The following TRAF3IP3 variants were observed in gnomAD, a reference collection of about 807,000 sequenced individuals.
The protein encoded by TRAF3IP3 is TRAF3-interacting JNK-activating modulator.
TRAF3IP3 carries 64 observed loss-of-function variants against 86.5 expected under a neutral mutation model. That is an observed-to-expected ratio of 0.74 (90% confidence interval 0.60 to 0.91). TRAF3IP3 has a LOEUF of 0.91. Ranked by LOEUF, TRAF3IP3 falls within the 40% of genes least tolerant of loss-of-function variation. The probability of loss-of-function intolerance (pLI) is 0.00; values close to 1 mark genes in which losing one functional copy is unlikely to be tolerated. For missense variants in TRAF3IP3, 579 were observed against 642.9 expected (o/e 0.90, Z 1.07); for synonymous variants, 220 against 243.9 (o/e 0.90, Z 0.91).
chr1:209,760,237 CAGG>C lies in TRAF3IP3; in HGVS notation c.206_208del (p.Arg69del). 1.2e-6 allele frequency: 2 copies of C among 1,614,252 alleles called. No individual in the cohort carries two copies. The highest frequency in any genetic ancestry group is 1.7e-6 in the Non-Finnish European group (2 of 1,180,050). ...AGAGAGCTCGACTGCAGCAGTTCTT[CAGG>C]AGGAGGAACCTGGAGCTAGAGGAGA... On this transcript the variant is annotated inframe_deletion, in exon 3 of 17. Coordinates refer to ENST00000367025, the MANE Select transcript of TRAF3IP3 (RefSeq NM_025228.4).
At position 209,781,940 on chromosome 1, in the gene TRAF3IP3, TCCA is replaced by T. The variant is rs2077790735; in HGVS notation, c.1564-109_1564-107del. The stretch of plus-strand genomic sequence containing the variant: ...GGGAGACAGAGTAAAAAGCTTTTTC[TCCA>T]CCACCAACCCAGCGTTTTCCACTGG... On this transcript the variant is annotated intron_variant, in intron 16 of 16. Transcript: ENST00000367025. 3 of 790,080 alleles carry T rather than the reference TCCA, an allele frequency of 3.8e-6. No homozygotes were observed. The East Asian group carries it at 7.8e-5, about 20-fold the overall frequency. 48.9% of individuals were successfully genotyped at this position (790,080 alleles called of 1,614,324 possible).
At position 209,763,480 on chromosome 1, in the gene TRAF3IP3, C is replaced by T. The variant is rs1405095697; in HGVS notation, c.607-12C>T. On this transcript the variant is annotated splice_polypyrimidine_tract_variant and intron_variant, in intron 7 of 16. Coordinates refer to ENST00000367025, the MANE Select transcript of TRAF3IP3 (RefSeq NM_025228.4). Reference sequence around the variant, plus strand: ...AATCTTACCCTCTTGCACTTTGTGCCCGCACCCCCAGGAGGCCCTACAAAG... The same window carrying T: ...AATCTTACCCTCTTGCACTTTGTGCTCGCACCCCCAGGAGGCCCTACAAAG... 6.2e-7 allele frequency: 1 copy of T among 1,613,796 alleles called. No homozygotes were observed. The highest frequency in any genetic ancestry group is 1.7e-5 in the Admixed American group (1 of 60,026).
chr1:209,759,881 A>C, intron 2 of TRAF3IP3, 101 bp from the exon 3 acceptor site: 1 of 628,536 alleles, frequency 1.6e-6, no homozygotes, highest in Middle Eastern at 4.3e-4. Flanking sequence ...ACCCACATGG[A>C]TGGAACTCTG....
At position 209,777,255 on chromosome 1, in the gene TRAF3IP3, C is replaced by T. The variant is rs553150514; in HGVS notation, c.1054-97C>T. On this transcript the variant is annotated intron_variant, in intron 11 of 16. Transcript: ENST00000367025. Reference sequence around the variant, plus strand: ...AACATTCCTTCTATCTCTAAAATTCCAGACTTTTCTACATTTTCCTCTTCC... The same window carrying T: ...AACATTCCTTCTATCTCTAAAATTCTAGACTTTTCTACATTTTCCTCTTCC... 2.1e-5 allele frequency: 24 copies of T among 1,134,410 alleles called. No individual in the cohort carries two copies. The African/African-American group carries it at 3.5e-4, about 16-fold the overall frequency. 70.3% of individuals were successfully genotyped at this position (1,134,410 alleles called of 1,614,324 possible).
Position 209,777,483 on chromosome 1 carries a change from A to G in TRAF3IP3, c.1185A>G (p.Leu395=). 1 of 1,612,268 alleles carries G rather than the reference A, an allele frequency of 6.2e-7. No homozygotes were observed. Among genetic ancestry groups the G allele is most frequent in the East Asian group, 2.2e-5 (1 of 44,794 alleles). ...RDLCSLDTQD[L]QDQLKRSEAE... The stretch of plus-strand genomic sequence containing the variant: ...TGTGCAGCTTGGATACCCAGGACCT[A>G]CAAGGTACTCTTCTCCTTGGAGGCC... Residue 395 remains leucine, a synonymous_variant, in exon 12 of 17, where the codon CTA becomes CTG. Transcript: ENST00000367025.
chr1:209,779,092 C>A (rs1376264701), intron 13 of TRAF3IP3: 1 of 581,114 alleles, frequency 1.7e-6, no homozygotes, highest in Non-Finnish European at 3.0e-6. Context: ...ACCTGAATGA[C>A]CCCATTTTAA....
At chr1:209,773,049 A>C in intron 9 of TRAF3IP3, 30 bp downstream of exon 9, 10 of 1,549,812 alleles carry the variant, frequency 6.5e-6, no homozygotes, top group African/African-American at 1.4e-5. Context: ...CTTCCATCTC[A>C]GGAATCTAGA....
intron 8 of TRAF3IP3, among the ~76,000 whole-genome samples, chr1:209,772,269 G>T (rs1046442283): frequency 6.6e-6 from 1 of 152,168 alleles, no homozygotes; most frequent in Non-Finnish European, 1.5e-5. Context: ...CTGGCTTACA[G>T]ATTGCCATCT....
At position 209,765,178 on chromosome 1, in the gene TRAF3IP3, GGAGAGAGA is replaced by G. The variant is rs375415223; in HGVS notation, c.702+1619_702+1626del. Among the ~76,000 whole-genome samples, 391 of 87,852 alleles carry G rather than the reference GGAGAGAGA, an allele frequency of 4.5e-3. 2 individuals are homozygous for G. Among genetic ancestry groups the G allele is most frequent in the South Asian group, 0.02 (43 of 2,190 alleles). The allele number at this position is 87,852 out of a possible 152,430, so 57.6% of individuals were successfully genotyped here. ...TGACAGAGCAGGACTCTGAGAGACA[GGAGAGAGA>G]GAGAGAGAGAGAGAGAGAGAGAGAG... On this transcript the variant is annotated intron_variant, in intron 8 of 16. Coordinates refer to ENST00000367025, the MANE Select transcript of TRAF3IP3 (RefSeq NM_025228.4).
chr1:209,765,178 G>GGAGA lies in TRAF3IP3; in HGVS notation c.702+1623_702+1626dup, dbSNP rs375415223. ...TGACAGAGCAGGACTCTGAGAGACA[G>GGAGA]GAGAGAGAGAGAGAGAGAGAGAGAG... On this transcript the variant is annotated intron_variant, in intron 8 of 16. Coordinates refer to ENST00000367025, the MANE Select transcript of TRAF3IP3 (RefSeq NM_025228.4). Among the ~76,000 whole-genome samples the GGAGA allele has an allele frequency of 1.0e-3, 89 of 87,862 alleles. 2 individuals are homozygous for GGAGA. Among genetic ancestry groups the GGAGA allele is most frequent in the African/African-American group, 3.3e-3 (65 of 19,982 alleles). 57.6% of individuals were successfully genotyped at this position (87,862 alleles called of 152,430 possible).
intron 9 of TRAF3IP3, among the ~76,000 whole-genome samples, chr1:209,775,001 GA>G (rs1339371355): frequency 6.6e-6 from 1 of 152,134 alleles, no homozygotes; most frequent in Non-Finnish European, 1.5e-5. Context: ...TTAGGGTTTG[GA>G]AAAGCCTGGA....
chr1:209,781,232 G>T (rs2077771567), intron 15 of TRAF3IP3, 113 bp from the exon 16 acceptor site: 2 of 646,296 alleles, frequency 3.1e-6, no homozygotes, highest in Non-Finnish European at 5.6e-6. Context: ...GCTGGGAAGG[G>T]AAGATGGTGG....
At chr1:209,771,771 GT>G (rs2077539299) in intron 8 of TRAF3IP3, among the ~76,000 whole-genome samples, 1 of 104,862 alleles carries the variant, frequency 9.5e-6, no homozygotes, top group Non-Finnish European at 2.1e-5. Context: ...AGGTGTGTGT[GT>G]ATATGGAGGT....
At chr1:209,779,730 C>G (rs76690388) in intron 14 of TRAF3IP3, 7,782 of 571,014 alleles carry the variant, frequency 0.014, 112 homozygotes, top group South Asian at 0.039. Flanking sequence ...ACATAGCAGT[C>G]CAGAGTCAAC....
At chr1:209,762,415 A>G in intron 3 of TRAF3IP3, 100 bp from the exon 4 acceptor site, 1 of 1,279,428 alleles carries the variant, frequency 7.8e-7, no homozygotes, top group Non-Finnish European at 1.0e-6. Context: ...CACTCAGTCC[A>G]TAACAAACAT....
chr1:209,769,798 G>A (rs922707326), intron 8 of TRAF3IP3, among the ~76,000 whole-genome samples: 1 of 152,196 alleles, frequency 6.6e-6, no homozygotes, highest in African/African-American at 2.4e-5. Context: ...GGCCTAAAGA[G>A]AGGTGGAATT....
intron 1 of TRAF3IP3, among the ~76,000 whole-genome samples, chr1:209,756,571 G>A (rs1482359441): frequency 1.3e-5 from 2 of 152,224 alleles, no homozygotes; most frequent in African/African-American, 4.8e-5. Flanking sequence ...ACGACTTAGA[G>A]TTCAGGCTAC....
rs200734308 is a variant in TRAF3IP3, at chr1:209,778,113, C to T, written c.1192C>T (p.Gln398Ter). 6.2e-7 allele frequency: 1 copy of T among 1,613,794 alleles called. No homozygotes were observed. Among genetic ancestry groups the T allele is most frequent in the Non-Finnish European group, 8.5e-7 (1 of 1,179,804 alleles). The change falls in exon 13 of 17, where the codon CAA becomes TAA. Residue 398 changes from glutamine to a stop codon, truncating the protein, a stop_gained and splice_region_variant. Transcript: ENST00000367025. LOFTEE classifies it high-confidence loss of function. The part of the protein sequence containing the change: ...CSLDTQDLQD[Q>*]LKRSEAEKLT... ...GGCTTGCATTATTGCATTTTCAGAT[C>T]AACTAAAAAGGTCAGAGGCAGAGAA...
intron 8 of TRAF3IP3, among the ~76,000 whole-genome samples, chr1:209,763,907 T>C (rs2077292507): frequency 6.6e-6 from 1 of 152,208 alleles, no homozygotes; most frequent in African/African-American, 2.4e-5. Context: ...CTAAATATGC[T>C]AAATGTCAAA....
Sources: allele counts gnomAD v4.1 joint callset (sites outside exome capture counted in the v4.1 genomes callset), GRCh38; gene constraint gnomAD v4.1.1; transcripts MANE v1.5; gene names NCBI Gene and HGNC (gene_info 2026-07-23, HGNC 2026-07-21).